The following KCNH8 variants were observed in gnomAD, a reference collection of about 807,000 sequenced individuals.
The protein encoded by KCNH8 is voltage-gated delayed rectifier potassium channel KCNH8.
In KCNH8, 70 loss-of-function variants were observed where a neutral mutation model predicts 103.6. The ratio of observed to expected loss-of-function variants is 0.68; its 90% CI spans 0.56 to 0.82. The LOEUF is 0.82. Ranked by LOEUF, KCNH8 falls within the 40% of genes least tolerant of loss-of-function variation. The pLI, the probability that KCNH8 is intolerant of heterozygous loss-of-function variation, is 0.00. For synonymous variants in KCNH8, 498 were observed against 489.4 expected (o/e 1.02, Z -0.23); for missense variants, 1,217 against 1,329.9 (o/e 0.92, Z 1.32).
chr3:19,189,465 T>G (rs2063531276), intron 1 of KCNH8, among the ~76,000 whole-genome samples: 1 of 151,946 alleles, frequency 6.6e-6, no homozygotes, highest in South Asian at 2.1e-4. Flanking sequence ...TCTGTAAATT[T>G]CAGTGTTTTG....
chr3:19,334,709 T>TA lies in KCNH8; in HGVS notation c.443-7865dup, dbSNP rs929953695. Among the ~76,000 whole-genome samples the TA allele has an allele frequency of 6.0e-3, 809 of 135,182 alleles. 7 individuals are homozygous for TA. The highest frequency in any genetic ancestry group is 0.017 in the African/African-American group (628 of 36,840). 88.7% of individuals were successfully genotyped at this position (135,182 alleles called of 152,430 possible). Reference sequence around the variant, plus strand: ...TTAGTTTATATGAGGTCAGTGATGTTAAAAAAAAAAAAAGCCTAGAACAAA... The same window carrying TA: ...TTAGTTTATATGAGGTCAGTGATGTTAAAAAAAAAAAAAAGCCTAGAACAAA... On this transcript the variant is annotated intron_variant, in intron 3 of 15. Transcript: ENST00000328405.
intron 1 of KCNH8, among the ~76,000 whole-genome samples, chr3:19,218,071 TTA>T (rs1252887128): frequency 6.6e-6 from 1 of 152,164 alleles, no homozygotes; most frequent in Non-Finnish European, 1.5e-5. Flanking sequence ...TCATTTTAAA[TTA>T]TCTTAGGAAT....
chr3:19,299,213 T>C (rs1467472874), intron 3 of KCNH8, among the ~76,000 whole-genome samples: 1 of 152,184 alleles, frequency 6.6e-6, no homozygotes, highest in African/African-American at 2.4e-5. Context: ...ATTAAGAGTT[T>C]CTAGTCGCAA....
intron 3 of KCNH8, among the ~76,000 whole-genome samples, chr3:19,341,462 A>G (rs2065658941): frequency 6.6e-6 from 1 of 152,040 alleles, no homozygotes. Flanking sequence ...TTCATGTCTG[A>G]CTAACTACCT....
intron 8 of KCNH8, among the ~76,000 whole-genome samples, chr3:19,446,445 G>A (rs1338969354): frequency 2.0e-5 from 3 of 152,000 alleles, no homozygotes; most frequent in Non-Finnish European, 2.9e-5. Flanking sequence ...ATGAGCTATT[G>A]TGTTCACAAA....
intron 5 of KCNH8, among the ~76,000 whole-genome samples, chr3:19,371,048 T>G (rs1250676599): frequency 6.6e-6 from 1 of 152,146 alleles, no homozygotes; most frequent in African/African-American, 2.4e-5. Context: ...TTTGCAATTG[T>G]GAATAATGCC....
intron 1 of KCNH8, among the ~76,000 whole-genome samples, chr3:19,250,445 A>T (rs921585398): frequency 6.6e-6 from 1 of 152,238 alleles, no homozygotes; most frequent in Admixed American, 6.5e-5. Context: ...ATACTAAAAC[A>T]TAAGTCCCTG....
intron 1 of KCNH8, among the ~76,000 whole-genome samples, chr3:19,191,669 C>G (rs1575425740): frequency 6.6e-6 from 1 of 151,694 alleles, no homozygotes; most frequent in African/African-American, 2.4e-5. Context: ...TAACTTTGCT[C>G]TCTCATACTG....
chr3:19,259,305 A>G (rs2125257403), intron 2 of KCNH8, among the ~76,000 whole-genome samples: 1 of 151,928 alleles, frequency 6.6e-6, no homozygotes, highest in South Asian at 2.1e-4. Context: ...CTTCAAATAG[A>G]AGGCAAACAT....
chr3:19,226,798 G>A (rs1374316115), intron 1 of KCNH8, among the ~76,000 whole-genome samples: 2 of 152,186 alleles, frequency 1.3e-5, no homozygotes, highest in Admixed American at 6.5e-5. Flanking sequence ...GGGCTCTGCA[G>A]TGCCCTTCAA....
chr3:19,227,979 T>C (rs921328265), intron 1 of KCNH8, among the ~76,000 whole-genome samples: 3 of 152,300 alleles, frequency 2.0e-5, no homozygotes, highest in African/African-American at 7.2e-5. Flanking sequence ...ATAATAATCA[T>C]GTAAGCGAGG....
intron 11 of KCNH8, among the ~76,000 whole-genome samples, chr3:19,503,931 T>TAAG (rs1342715052): frequency 1.3e-5 from 2 of 151,620 alleles, no homozygotes; most frequent in Non-Finnish European, 2.9e-5. Flanking sequence ...AGTATAATAA[T>TAAG]AATAATAATA....
chr3:19,268,079 T>C (rs1258811861), intron 2 of KCNH8, among the ~76,000 whole-genome samples: 1 of 152,154 alleles, frequency 6.6e-6, no homozygotes, highest in Non-Finnish European at 1.5e-5. Context: ...GAATACCTGT[T>C]ATGTTTGGGT....
At chr3:19,349,798 T>TAC (rs2125321428) in intron 5 of KCNH8, among the ~76,000 whole-genome samples, 1 of 152,260 alleles carries the variant, frequency 6.6e-6, no homozygotes, top group African/African-American at 2.4e-5. Context: ...GCTCCCCTGA[T>TAC]AGCAACCCCT....
intron 11 of KCNH8, among the ~76,000 whole-genome samples, chr3:19,503,126 C>G (rs1486191378): frequency 2.8e-4 from 43 of 151,134 alleles, no homozygotes; most frequent in African/African-American, 9.4e-4. Flanking sequence ...AGGACATGAA[C>G]AGACACTTCT....
intron 2 of KCNH8, 107 bp from the exon 3 acceptor site, chr3:19,281,091 G>T: frequency 8.8e-7 from 1 of 1,141,410 alleles, no homozygotes. Flanking sequence ...GGAGTTGTGG[G>T]ATTGAAGAAA....
chr3:19,232,275 G>T (rs559267262), intron 1 of KCNH8, among the ~76,000 whole-genome samples: 1 of 152,300 alleles, frequency 6.6e-6, no homozygotes, highest in Non-Finnish European at 1.5e-5. Context: ...TTGCCAAGAA[G>T]ATAATCTGAC....
At chr3:19,462,437 T>C (rs2067651279) in intron 11 of KCNH8, among the ~76,000 whole-genome samples, 1 of 152,262 alleles carries the variant, frequency 6.6e-6, no homozygotes, top group Admixed American at 6.5e-5. Context: ...CATAAGTGTC[T>C]TCTTTTCAGA....
chr3:19,411,200 G>T (rs923396152), intron 7 of KCNH8, among the ~76,000 whole-genome samples: 1 of 152,060 alleles, frequency 6.6e-6, no homozygotes, highest in Non-Finnish European at 1.5e-5. Context: ...GGGATGCAAG[G>T]TTCGTTCCGC....
Sources: allele counts gnomAD v4.1 joint callset (sites outside exome capture counted in the v4.1 genomes callset), GRCh38; gene constraint gnomAD v4.1.1; transcripts MANE v1.5; gene names NCBI Gene and HGNC (gene_info 2026-07-23, HGNC 2026-07-21).